GPAT4: variants seen among roughly 807,000 people sequenced by gnomAD.
GPAT4 encodes glycerol-3-phosphate acyltransferase 4, also known as 1-AGP acyltransferase 6.
GPAT4 carries 17 observed loss-of-function variants against 58.0 expected under a neutral mutation model. The ratio of observed to expected loss-of-function variants is 0.29; its 90% CI spans 0.20 to 0.44. GPAT4 has a LOEUF of 0.44. GPAT4 is among the 20% of genes least tolerant of loss of function. The probability of loss-of-function intolerance (pLI) is 1.00; values close to 1 mark genes in which losing one functional copy is unlikely to be tolerated. For missense variants in GPAT4, 377 were observed against 574.5 expected (o/e 0.66, Z 3.51); for synonymous variants, 204 against 210.1 (o/e 0.97, Z 0.25).
chr8:41,620,743 C>G, intron 12 of GPAT4, 150 bp from the exon 13 acceptor site: 3 of 1,332,616 alleles, frequency 2.3e-6, no homozygotes, highest in Non-Finnish European at 3.0e-6. Context: ...AGCCCCAAAT[C>G]CCCTGAGGTT....
rs141451361 is a variant in GPAT4 at position 41,595,974 on chromosome 8, G to T, written c.-848-2318G>T. The stretch of plus-strand genomic sequence containing the variant: ...GCTGTAACCAAGTGTCTATGAACAG[G>T]AACTGGTCTAGGCGCCCTGGCTTTC... On this transcript the variant is annotated intron_variant, in intron 1 of 12. Coordinates refer to ENST00000396987, the MANE Select transcript of GPAT4 (RefSeq NM_178819.4). Among the ~76,000 whole-genome samples, 723 of 152,208 alleles carry T rather than the reference G, an allele frequency of 4.8e-3. 7 individuals are homozygous for T. Among genetic ancestry groups the T allele is most frequent in the African/African-American group, 0.016 (661 of 41,528 alleles).
intron 1 of GPAT4, among the ~76,000 whole-genome samples, chr8:41,583,167 G>A (rs1802567681): frequency 6.6e-6 from 1 of 152,034 alleles, no homozygotes; most frequent in African/African-American, 2.4e-5. Context: ...AAAGGATGCA[G>A]TGAGCAGAGA....
At chr8:41,618,633 A>C (rs567944014) in intron 10 of GPAT4, 51 bp from the exon 11 acceptor site, 2 of 1,605,466 alleles carry the variant, frequency 1.2e-6, no homozygotes, top group Non-Finnish European at 1.7e-6. Flanking sequence ...TGGACTCGCA[A>C]ACGTTGTGAG....
chr8:41,601,958 A>T (rs62509813), intron 2 of GPAT4, among the ~76,000 whole-genome samples: 8 of 151,786 alleles, frequency 5.3e-5, no homozygotes, highest in African/African-American at 1.7e-4. Context: ...CAGTGGCCCA[A>T]ATGTATTTAT....
intron 4 of GPAT4, 54 bp downstream of exon 4, chr8:41,610,009 C>T: frequency 1.3e-6 from 2 of 1,549,102 alleles, no homozygotes; most frequent in South Asian, 1.3e-5. Flanking sequence ...ACGTGGTGCA[C>T]AGCCCACCTG....
At chr8:41,586,351 G>C (rs114929411) in intron 1 of GPAT4, among the ~76,000 whole-genome samples, 144 of 152,306 alleles carry the variant, frequency 9.5e-4, no homozygotes, top group African/African-American at 3.3e-3. Context: ...TCTTTTGGCT[G>C]TTCTGAATAA....
intron 1 of GPAT4, among the ~76,000 whole-genome samples, chr8:41,586,688 G>C (rs1802662630): frequency 6.6e-6 from 1 of 152,100 alleles, no homozygotes; most frequent in Admixed American, 6.5e-5. Context: ...TTCATGCCCT[G>C]GGATGTCGTT....
At chr8:41,589,360 CGGG>C (rs1802732470) in intron 1 of GPAT4, among the ~76,000 whole-genome samples, 1 of 95,186 alleles carries the variant, frequency 1.1e-5, no homozygotes, top group Admixed American at 1.2e-4. Flanking sequence ...TGGGGTGTGG[CGGG>C]ATGGGATGGG....
chr8:41,591,839 G>C (rs993424581), intron 1 of GPAT4, among the ~76,000 whole-genome samples: 4 of 152,306 alleles, frequency 2.6e-5, no homozygotes, highest in South Asian at 4.1e-4. Flanking sequence ...ATTCCAGACA[G>C]ACCCTTCCTT....
chr8:41,621,381 C>T lies in GPAT4; in HGVS notation c.*380C>T, dbSNP rs781753256. On this transcript the variant is annotated 3_prime_UTR_variant, in exon 13 of 13. Coordinates refer to ENST00000396987, the MANE Select transcript of GPAT4 (RefSeq NM_178819.4). Reference sequence around the variant, plus strand: ...GGTACAAGAGTCTGTTATGCAAGCCCGTGTGCCAGGGATGTGCTGGGGGCG... The same window carrying T: ...GGTACAAGAGTCTGTTATGCAAGCCTGTGTGCCAGGGATGTGCTGGGGGCG... 1.3e-4 allele frequency: 24 copies of T among 188,956 alleles called. No homozygotes were observed. Among genetic ancestry groups the T allele is most frequent in the East Asian group, 2.9e-4 (2 of 6,786 alleles). The allele number at this position is 188,956 out of a possible 1,614,324, so 11.7% of individuals were successfully genotyped here. A position where few individuals can be genotyped will look rare whatever the true frequency, so the allele number is the denominator to read the frequency against.
At chr8:41,587,101 G>C (rs1320524200) in intron 1 of GPAT4, among the ~76,000 whole-genome samples, 1 of 152,202 alleles carries the variant, frequency 6.6e-6, no homozygotes, top group Non-Finnish European at 1.5e-5. Context: ...GAATTACTGT[G>C]AGAGTCTCAG....
intron 1 of GPAT4, 49 bp downstream of exon 1, chr8:41,578,327 G>A (rs996143221): frequency 2.0e-5 from 3 of 151,850 alleles, no homozygotes; most frequent in African/African-American, 2.4e-5. Context: ...CGACCTCCGG[G>A]GAGCCGAGAG....
intron 2 of GPAT4, among the ~76,000 whole-genome samples, chr8:41,602,676 T>G (rs1416405285): frequency 1.3e-5 from 2 of 152,140 alleles, no homozygotes; most frequent in Non-Finnish European, 2.9e-5. Context: ...CACCTAACAC[T>G]TGTGGGTGTT....
intron 1 of GPAT4, among the ~76,000 whole-genome samples, chr8:41,593,397 A>C (rs978647080): frequency 1.3e-5 from 2 of 152,208 alleles, no homozygotes; most frequent in African/African-American, 4.8e-5. Flanking sequence ...TAACTTTTTG[A>C]CTGGATGTAT....
chr8:41,611,094 C>T lies in GPAT4; in HGVS notation c.611+284C>T, dbSNP rs774797674. ...TACAAAAGTTAGCCAGGCACGGTGG[C>T]GGGTGCCTGTAATCCCAGCTACTTG... On this transcript the variant is annotated intron_variant, in intron 5 of 12. Transcript: ENST00000396987. Among the ~76,000 whole-genome samples the T allele has an allele frequency of 9.3e-4, 141 of 152,274 alleles. No individual in the cohort carries two copies. The highest frequency in any genetic ancestry group is 1.7e-3 in the Non-Finnish European group (113 of 68,020).
In GPAT4 at chr8:41,609,844, C is replaced by T. The variant is rs769715619; in HGVS notation, c.425C>T (p.Ser142Phe). Residue 142 changes from serine (S) to phenylalanine (F), a missense_variant, in exon 4 of 13, where the codon TCC becomes TTC. By Grantham distance (155) the Ser-to-Phe change is radical. Coordinates refer to ENST00000396987, the MANE Select transcript of GPAT4 (RefSeq NM_178819.4). ...AGATTCTCAGCAGAAGAACTGGAGT[C>T]CTGGAACCTGCTGAGCAGAACCAAT... The part of the protein sequence containing the change: ...TKRFSAEELE[S>F]WNLLSRTNYN... 8.1e-6 allele frequency: 13 copies of T among 1,614,114 alleles called. 1 individual carries two copies. The highest frequency in any genetic ancestry group is 1.1e-5 in the Non-Finnish European group (13 of 1,180,054).
intron 5 of GPAT4, among the ~76,000 whole-genome samples, chr8:41,611,702 T>A (rs911618793): frequency 8.5e-5 from 13 of 152,306 alleles, no homozygotes; most frequent in African/African-American, 2.9e-4. Context: ...TGGGTGGATG[T>A]AAGTGAGTCT....
chr8:41,603,504 T>G, intron 2 of GPAT4, among the ~76,000 whole-genome samples: 1 of 130,014 alleles, frequency 7.7e-6, no homozygotes, highest in East Asian at 2.2e-4. Flanking sequence ...CCAGCCTGGG[T>G]GACAAAGCAA....
At position 41,620,874 on chromosome 8, in the gene GPAT4, C is replaced by T; in HGVS notation, c.1263-19C>T. The T allele has an allele frequency of 6.5e-7, 1 of 1,550,070 alleles. No individual in the cohort carries two copies. Among genetic ancestry groups the T allele is most frequent in the South Asian group, 1.2e-5 (1 of 83,974 alleles). On this transcript the variant is annotated intron_variant, in intron 12 of 12. Transcript: ENST00000396987. ...GGAGCCCTCTTGGCTGTTACTACAT[C>T]CAGCCTTTGTCTCTCCAGGGATGGG...
Sources: allele counts gnomAD v4.1 joint callset (sites outside exome capture counted in the v4.1 genomes callset), GRCh38; gene constraint gnomAD v4.1.1; transcripts MANE v1.5; gene names NCBI Gene and HGNC (gene_info 2026-07-23, HGNC 2026-07-21).